ATP13A4: variants seen among roughly 807,000 people sequenced by gnomAD.
The protein encoded by ATP13A4 is ATPase 13A4.
A neutral mutation model predicts 142.5 loss-of-function variants in ATP13A4; 114 were observed. That is an observed-to-expected ratio of 0.80 (90% confidence interval 0.69 to 0.93). The LOEUF is 0.93. Ranked by LOEUF, ATP13A4 falls within the 40% of genes least tolerant of loss-of-function variation. ATP13A4 has a pLI of 0.00. For missense variants in ATP13A4, 1,392 were observed against 1,454.0 expected (o/e 0.96, Z 0.69); for synonymous variants, 488 against 514.8 (o/e 0.95, Z 0.70).
chr3:193,541,248 C>CAAAAAAAAA lies in ATP13A4; in HGVS notation c.60+13483_60+13491dup, dbSNP rs71179308. ...TGGGCGACAGAGCGAGACTCCTTCTCAAAAAAAAAAAAAAAAAAAAAATCA... is the reference window on the plus strand; with the variant it reads ...TGGGCGACAGAGCGAGACTCCTTCTCAAAAAAAAAAAAAAAAAAAAAAAAAAAAAAATCA... On this transcript the variant is annotated intron_variant, in intron 1 of 29. Coordinates refer to ENST00000342695, the MANE Select transcript of ATP13A4 (RefSeq NM_032279.4). Among the ~76,000 whole-genome samples the CAAAAAAAAA allele has an allele frequency of 1.3e-3, 66 of 51,280 alleles. 1 individual carries two copies. Among genetic ancestry groups the CAAAAAAAAA allele is most frequent in the African/African-American group, 2.7e-3 (39 of 14,248 alleles). The allele number at this position is 51,280 out of a possible 152,430, so 33.6% of individuals were successfully genotyped here. A position where few individuals can be genotyped will look rare whatever the true frequency, so the allele number is the denominator to read the frequency against.
chr3:193,541,000 A>G (rs910862453), intron 1 of ATP13A4, among the ~76,000 whole-genome samples: 1 of 152,218 alleles, frequency 6.6e-6, no homozygotes, highest in South Asian at 2.1e-4. Flanking sequence ...CTGTAATCCC[A>G]GCACTTTGGG....
intron 25 of ATP13A4, among the ~76,000 whole-genome samples, chr3:193,415,644 G>T (rs1490200145): frequency 1.3e-5 from 2 of 152,196 alleles, no homozygotes; most frequent in African/African-American, 4.8e-5. Context: ...CTGAAGGATT[G>T]ATGCAGGCAC....
intron 12 of ATP13A4, 119 bp downstream of exon 12, chr3:193,464,821 T>C: frequency 9.2e-7 from 1 of 1,090,692 alleles, no homozygotes; most frequent in Non-Finnish European, 1.4e-6. Flanking sequence ...TAACCAGGGA[T>C]AAAATGAAGA....
chr3:193,521,699 G>A (rs576656920), intron 1 of ATP13A4, among the ~76,000 whole-genome samples: 71 of 152,088 alleles, frequency 4.7e-4, no homozygotes, highest in Admixed American at 3.1e-3. Flanking sequence ...TTGGGAGGCC[G>A]AGGCGGGCAG....
At chr3:193,426,391 A>C (rs1480283044) in intron 25 of ATP13A4, among the ~76,000 whole-genome samples, 1 of 151,898 alleles carries the variant, frequency 6.6e-6, no homozygotes, top group Non-Finnish European at 1.5e-5. Flanking sequence ...TTAAAATCTC[A>C]TATTAATGGA....
At chr3:193,481,954 G>A (rs1437476635) in intron 8 of ATP13A4, among the ~76,000 whole-genome samples, 3 of 152,134 alleles carry the variant, frequency 2.0e-5, no homozygotes, top group Non-Finnish European at 4.4e-5. Flanking sequence ...GACAGGTTGT[G>A]TTCAAAAGTC....
intron 8 of ATP13A4, among the ~76,000 whole-genome samples, chr3:193,478,194 T>G (rs1719078899): frequency 6.6e-6 from 1 of 151,516 alleles, no homozygotes; most frequent in South Asian, 2.1e-4. Flanking sequence ...ATAGACAATC[T>G]CAGGTTACAC....
chr3:193,532,046 A>G (rs1722366879), intron 1 of ATP13A4, among the ~76,000 whole-genome samples: 1 of 152,120 alleles, frequency 6.6e-6, no homozygotes, highest in African/African-American at 2.4e-5. Flanking sequence ...CATATGCATG[A>G]GAATCACATG....
chr3:193,414,860 G>A, intron 25 of ATP13A4, 110 bp from the exon 26 acceptor site: 1 of 1,021,490 alleles, frequency 9.8e-7, no homozygotes, highest in Non-Finnish European at 1.5e-6. Flanking sequence ...GGACAAACTG[G>A]AGTACATCAC....
chr3:193,573,374 C>T (rs1560287452), intron 2 of ATP13A4, among the ~76,000 whole-genome samples: 1 of 145,984 alleles, frequency 6.9e-6, no homozygotes, highest in Non-Finnish European at 1.5e-5. Context: ...CATCTGTGGT[C>T]CCACCAGGAC....
chr3:193,584,192 T>C (rs918660003), intron 1 of ATP13A4, among the ~76,000 whole-genome samples: 1 of 152,154 alleles, frequency 6.6e-6, no homozygotes, highest in African/African-American at 2.4e-5. Flanking sequence ...TCCTCGATTA[T>C]CTAGGTAGGC....
chr3:193,577,493 T>C lies in ATP13A4; in HGVS notation n.291+4214A>G, dbSNP rs77657187. 4.5e-3 allele frequency among the ~76,000 whole-genome samples: 693 copies of C among 152,340 alleles called. 5 individuals carry two copies. Among genetic ancestry groups the C allele is most frequent in the African/African-American group, 0.016 (653 of 41,560 alleles). On this transcript the variant is annotated intron_variant and non_coding_transcript_variant, in intron 2 of 3. Coordinates refer to the ATP13A4 transcript ENST00000489140. ...ACCTAACAATACCACGAACCTACTT[T>C]GTGATCTTGAGAAAATGAATACATT...
At chr3:193,564,933 G>A (rs1724102123) in intron 2 of ATP13A4, among the ~76,000 whole-genome samples, 1 of 152,080 alleles carries the variant, frequency 6.6e-6, no homozygotes, top group African/African-American at 2.4e-5. Flanking sequence ...AAGGATCTAG[G>A]TTGCATGTTC....
chr3:193,519,209 A>G (rs1232531891), intron 1 of ATP13A4, among the ~76,000 whole-genome samples: 1 of 152,206 alleles, frequency 6.6e-6, no homozygotes, highest in Non-Finnish European at 1.5e-5. Flanking sequence ...GAAAATTTTG[A>G]TTTTGAAACC....
chr3:193,523,497 G>A (rs144692907), intron 1 of ATP13A4, among the ~76,000 whole-genome samples: 27 of 152,294 alleles, frequency 1.8e-4, no homozygotes, highest in African/African-American at 6.5e-4. Context: ...AATGGCCAAT[G>A]ATTTAATCAG....
chr3:193,411,204 A>G, intron 27 of ATP13A4, 134 bp from the exon 28 acceptor site: 2 of 712,408 alleles, frequency 2.8e-6, no homozygotes, highest in Non-Finnish European at 5.1e-6. Flanking sequence ...GATGGAAAGT[A>G]TTCATTTCTA....
intron 25 of ATP13A4, among the ~76,000 whole-genome samples, chr3:193,418,316 CAAAA>C (rs60172777): frequency 9.5e-6 from 1 of 105,048 alleles, no homozygotes; most frequent in Non-Finnish European, 1.9e-5. Context: ...GACTCCATCT[CAAAA>C]AAAAAAAAAA....
intron 20 of ATP13A4, among the ~76,000 whole-genome samples, chr3:193,440,898 C>T (rs904794858): frequency 1.1e-4 from 17 of 152,104 alleles, no homozygotes; most frequent in African/African-American, 4.1e-4. Flanking sequence ...AGGAATTTAC[C>T]TCAGCTGTCA....
chr3:193,588,704 G>A (rs369879403), intron 1 of ATP13A4, among the ~76,000 whole-genome samples: 1 of 152,056 alleles, frequency 6.6e-6, no homozygotes, highest in Non-Finnish European at 1.5e-5. Flanking sequence ...GTCTGCCTCT[G>A]TGGGTAGTAA....
Sources: gnomAD v4.1 joint callset for allele counts (sites outside exome capture counted in the v4.1 genomes callset) on GRCh38, gnomAD v4.1.1 for gene constraint, MANE v1.5 for transcripts, NCBI Gene and HGNC (gene_info 2026-07-23, HGNC 2026-07-21) for gene names.